PTPRK: variants seen among roughly 807,000 people sequenced by gnomAD.
PTPRK encodes the protein protein tyrosine phosphatase receptor type K.
PTPRK carries 75 observed loss-of-function variants against 178.0 expected under a neutral mutation model. The observed-to-expected ratio is 0.42, with a 90% CI of 0.35 to 0.51. The LOEUF is 0.51. Ranked by LOEUF, PTPRK falls within the 20% of genes least tolerant of loss-of-function variation. The pLI is 0.02. For missense variants in PTPRK, 1,441 were observed against 1,797.8 expected (o/e 0.80, Z 3.59); for synonymous variants, 637 against 620.6 (o/e 1.03, Z -0.39).
intron 1 of PTPRK, among the ~76,000 whole-genome samples, chr6:128,447,405 C>A (rs1847169507): frequency 6.6e-6 from 1 of 152,206 alleles, no homozygotes; most frequent in Admixed American, 6.5e-5. Context: ...TAAATGCTCA[C>A]AAAACCACTA....
At chr6:128,477,062 CAAG>C (rs1443844296) in intron 1 of PTPRK, among the ~76,000 whole-genome samples, 2 of 151,872 alleles carry the variant, frequency 1.3e-5, no homozygotes, top group Non-Finnish European at 2.9e-5. Flanking sequence ...TCATGAAAGC[CAAG>C]AAGGATAAAA....
intron 5 of PTPRK, among the ~76,000 whole-genome samples, chr6:128,227,780 T>C (rs946788520): frequency 6.6e-6 from 1 of 152,186 alleles, no homozygotes; most frequent in Non-Finnish European, 1.5e-5. Flanking sequence ...CGGAAATGAT[T>C]CATGAGATGA....
intron 1 of PTPRK, among the ~76,000 whole-genome samples, chr6:128,441,380 T>C (rs971736200): frequency 2.0e-5 from 3 of 152,040 alleles, no homozygotes; most frequent in Non-Finnish European, 4.4e-5. Context: ...AACATTCTAC[T>C]GGGCAAAAGT....
At chr6:128,011,944 A>C (rs949245899) in intron 13 of PTPRK, among the ~76,000 whole-genome samples, 6 of 151,164 alleles carry the variant, frequency 4.0e-5, no homozygotes, top group Non-Finnish European at 7.4e-5. Context: ...TTCAATTCAC[A>C]TTTACCAAGT....
At chr6:127,978,393 GGCTTCCCCCTTT>G (rs1348135705) in intron 25 of PTPRK, among the ~76,000 whole-genome samples, 2 of 152,034 alleles carry the variant, frequency 1.3e-5, no homozygotes, top group South Asian at 2.1e-4. Flanking sequence ...TTTTATAAGG[GGCTTCCCCCTTT>G]GCTTGGCACT....
intron 7 of PTPRK, among the ~76,000 whole-genome samples, chr6:128,147,020 T>G (rs1258470839): frequency 6.6e-6 from 1 of 152,176 alleles, no homozygotes; most frequent in Non-Finnish European, 1.5e-5. Flanking sequence ...TATTCCAATC[T>G]AATTAGCTCA....
intron 1 of PTPRK, among the ~76,000 whole-genome samples, chr6:128,500,188 G>A (rs1296381364): frequency 6.6e-6 from 1 of 152,214 alleles, no homozygotes; most frequent in African/African-American, 2.4e-5. Flanking sequence ...ATGTCATCAG[G>A]CTGCAGTGAA....
intron 7 of PTPRK, among the ~76,000 whole-genome samples, chr6:128,090,759 T>C (rs980803048): frequency 2.8e-4 from 42 of 152,214 alleles, no homozygotes; most frequent in African/African-American, 9.6e-4. Flanking sequence ...CATTCAAGAC[T>C]AACTTGAATC....
intron 5 of PTPRK, among the ~76,000 whole-genome samples, chr6:128,219,736 G>A (rs1810054398): frequency 6.6e-6 from 1 of 152,200 alleles, no homozygotes; most frequent in South Asian, 2.1e-4. Context: ...TGCTCTCAGA[G>A]TAATATATAC....
chr6:127,996,974 T>C lies in PTPRK; in HGVS notation c.2694A>G (p.Gly898=), dbSNP rs1161709467. The C allele has an allele frequency of 1.2e-6, 2 of 1,611,532 alleles. No homozygotes were observed. The highest frequency in any genetic ancestry group is 2.2e-5 in the East Asian group (1 of 44,754). Residue 898 remains glycine (G), a synonymous_variant, in exon 17 of 30, where the codon GGA becomes GGG. Transcript: ENST00000368226. Reference sequence around the variant, plus strand: ...TAGCTACATCCCAAGATGCTGACTGTCCTTCAAAAAAGCTCTGGGAAAACA... The same window carrying C: ...TAGCTACATCCCAAGATGCTGACTGCCCTTCAAAAAAGCTCTGGGAAAACA... ...FKEEYESFFE[G]QSASWDVAKK...
chr6:128,063,876 T>C (rs748102423), intron 13 of PTPRK, among the ~76,000 whole-genome samples: 24 of 152,124 alleles, frequency 1.6e-4, no homozygotes, highest in Non-Finnish European at 3.4e-4. Context: ...AAAGGAAAGA[T>C]GCCAGTACAA....
At chr6:128,022,279 C>A (rs1562451349) in intron 13 of PTPRK, among the ~76,000 whole-genome samples, 1 of 152,114 alleles carries the variant, frequency 6.6e-6, no homozygotes, top group African/African-American at 2.4e-5. Context: ...GATTCTCCTG[C>A]GACCACTTCA....
At chr6:128,275,230 G>C (rs1820533163) in intron 3 of PTPRK, among the ~76,000 whole-genome samples, 1 of 151,898 alleles carries the variant, frequency 6.6e-6, no homozygotes, top group Non-Finnish European at 1.5e-5. Flanking sequence ...AGAGAATGAG[G>C]ATTTGAACTC....
chr6:128,067,595 T>A lies in PTPRK; in HGVS notation c.2081A>T (p.Gln694Leu). 2 of 1,613,044 alleles carry A rather than the reference T, an allele frequency of 1.2e-6. No individual in the cohort carries two copies. The highest frequency in any genetic ancestry group is 1.7e-6 in the Non-Finnish European group (2 of 1,179,292). ...AGCCAAAGGAGGGTTCCAAAAGCCT[T>A]GGTAGGTCCGATTGTCACCCACAGT... ...PFTVGDNRTY[Q>L]GFWNPPLAPR... The change falls in exon 12 of 30, where the codon CAA becomes CTA. Residue 694 changes from glutamine to leucine, a missense_variant. This residue lies in a region of PTPRK where 945 missense variants were observed against 1,080.6 expected (regional missense o/e 0.87). Transcript: ENST00000368226.
intron 2 of PTPRK, among the ~76,000 whole-genome samples, chr6:128,391,379 A>C (rs1436604854): frequency 1.3e-5 from 2 of 152,150 alleles, no homozygotes; most frequent in Non-Finnish European, 2.9e-5. Context: ...GTTAACAGAC[A>C]ATGCTAAGTA....
chr6:128,254,793 T>C (rs928486695), intron 3 of PTPRK, among the ~76,000 whole-genome samples: 2 of 151,964 alleles, frequency 1.3e-5, no homozygotes, highest in Non-Finnish European at 2.9e-5. Context: ...TTTTGAAGAA[T>C]ACCTATGACC....
At chr6:128,335,222 C>T (rs1191719876) in intron 2 of PTPRK, among the ~76,000 whole-genome samples, 1 of 152,050 alleles carries the variant, frequency 6.6e-6, no homozygotes, top group Non-Finnish European at 1.5e-5. Context: ...AAATCTGAGG[C>T]CTGGAACAGA....
At chr6:128,486,841 A>AAGGAAGG (rs1380711469) in intron 1 of PTPRK, among the ~76,000 whole-genome samples, 2 of 149,564 alleles carry the variant, frequency 1.3e-5, no homozygotes, top group Non-Finnish European at 3.0e-5. Context: ...AGGAAGGAAG[A>AAGGAAGG]AAGGAAAAAA....
intron 17 of PTPRK, among the ~76,000 whole-genome samples, chr6:127,996,669 C>T (rs1023773667): frequency 6.6e-6 from 1 of 152,086 alleles, no homozygotes; most frequent in Non-Finnish European, 1.5e-5. Flanking sequence ...TAGAGTTTTG[C>T]CATGTTGGCC....
Sources: gnomAD v4.1 joint callset for allele counts (sites outside exome capture counted in the v4.1 genomes callset) on GRCh38, gnomAD v4.1.1 for gene constraint, gnomAD v4.1.1 regional missense constraint, MANE v1.5 for transcripts, NCBI Gene and HGNC (gene_info 2026-07-23, HGNC 2026-07-21) for gene names.